The following LAPTM4B variants were observed in gnomAD, a reference collection of about 807,000 sequenced individuals.
LAPTM4B encodes lysosomal protein transmembrane 4 beta.
A neutral mutation model predicts 28.5 loss-of-function variants in LAPTM4B; 26 were observed. That is an observed-to-expected ratio of 0.91 (90% confidence interval 0.67 to 1.27). The LOEUF is 1.27. LAPTM4B is among the 50% of genes most tolerant of loss of function. The pLI is 0.00. For missense variants in LAPTM4B, 288 were observed against 285.8 expected, an observed-to-expected ratio of 1.01 and a Z score of -0.06; for synonymous variants, 109 against 106.4, an observed-to-expected ratio of 1.02 and a Z score of -0.15.
At chr8:97,790,774 C>G (rs1244546449) in intron 1 of LAPTM4B, among the ~76,000 whole-genome samples, 1 of 151,438 alleles carries the variant, frequency 6.6e-6, no homozygotes, top group East Asian at 2.0e-4. Context: ...AAGTCTGGCT[C>G]TATTGCCCAG....
At chr8:97,815,176 T>G in intron 2 of LAPTM4B, 152 bp from the exon 3 acceptor site, 1 of 628,090 alleles carries the variant, frequency 1.6e-6, no homozygotes, top group East Asian at 2.8e-5. Flanking sequence ...CCAATATCCC[T>G]TTTTCTATTT....
chr8:97,799,799 AT>A (rs1816643574), intron 1 of LAPTM4B, among the ~76,000 whole-genome samples: 1 of 151,958 alleles, frequency 6.6e-6, no homozygotes, highest in Non-Finnish European at 1.5e-5. Flanking sequence ...CCCATCCTAC[AT>A]TTTTGGTTCT....
Position 97,851,664 on chromosome 8 carries a change from T to C in LAPTM4B, c.*190T>C. The C allele has an allele frequency of 1.7e-6, 1 of 601,848 alleles. No individual in the cohort carries two copies. Among genetic ancestry groups the C allele is most frequent in the Non-Finnish European group, 3.0e-6 (1 of 338,024 alleles). The allele number at this position is 601,848 out of a possible 1,614,324, so 37.3% of individuals were successfully genotyped here. ...TGCTTTGCTGGAACACTGTGATAGA[T>C]TAACTGTAGAATTCTTCCTGTACGA... On this transcript the variant is annotated 3_prime_UTR_variant, in exon 7 of 7. Transcript: ENST00000521545.
chr8:97,846,516 G>C (rs1377962014), intron 6 of LAPTM4B, among the ~76,000 whole-genome samples: 1 of 152,120 alleles, frequency 6.6e-6, no homozygotes, highest in African/African-American at 2.4e-5. Context: ...TAGTAGAAAC[G>C]GGGTTTCTCC....
intron 1 of LAPTM4B, among the ~76,000 whole-genome samples, chr8:97,792,169 G>C (rs960847006): frequency 6.6e-6 from 1 of 152,126 alleles, no homozygotes; most frequent in Non-Finnish European, 1.5e-5. Context: ...CAACATGGCC[G>C]CCATTATAGT....
At chr8:97,789,419 G>A (rs1481890084) in intron 1 of LAPTM4B, among the ~76,000 whole-genome samples, 1 of 151,840 alleles carries the variant, frequency 6.6e-6, no homozygotes, top group African/African-American at 2.4e-5. Context: ...GGAGCGCAGT[G>A]GTGTGACCAT....
intron 1 of LAPTM4B, among the ~76,000 whole-genome samples, chr8:97,782,279 C>CATT (rs1816333326): frequency 2.0e-5 from 1 of 50,238 alleles, no homozygotes; most frequent in Non-Finnish European, 3.6e-5. Flanking sequence ...CCATGCCCAG[C>CATT]TTTTTTTTTT....
Position 97,816,061 on chromosome 8 carries a change from C to CGCG in LAPTM4B, c.290_292dup (p.Arg97_Ala98insGly). ...TTCTATTTTCTGTTCTGTTTAGCAA[C>CGCG]GCGCAGCCTGGATCATCCCATTCTT... On this transcript the variant is annotated inframe_insertion, in exon 4 of 7. Transcript: ENST00000521545. 1 of 1,607,846 alleles carries CGCG rather than the reference C, an allele frequency of 6.2e-7. No homozygotes were observed. Among genetic ancestry groups the CGCG allele is most frequent in the Non-Finnish European group, 8.5e-7 (1 of 1,178,294 alleles).
At chr8:97,826,568 G>A (rs1216551992) in intron 6 of LAPTM4B, among the ~76,000 whole-genome samples, 1 of 125,998 alleles carries the variant, frequency 7.9e-6, no homozygotes, top group Non-Finnish European at 1.7e-5. Context: ...GAATGAAGTG[G>A]TGTGATCTCG....
chr8:97,821,640 G>T (rs570414001), intron 5 of LAPTM4B, among the ~76,000 whole-genome samples: 2 of 151,924 alleles, frequency 1.3e-5, no homozygotes, highest in African/African-American at 4.9e-5. Flanking sequence ...TGAGATAAGG[G>T]AGAACAGGTT....
chr8:97,786,748 G>A (rs1586319777), intron 1 of LAPTM4B, among the ~76,000 whole-genome samples: 1 of 151,526 alleles, frequency 6.6e-6, no homozygotes, highest in East Asian at 1.9e-4. Context: ...AAATTACACA[G>A]CCAGTTGGTT....
Position 97,849,942 on chromosome 8 carries a change from C to T in LAPTM4B, c.604-1455C>T, listed in dbSNP as rs937488690. ...CTCTCAGGCGGTTTCCAGAGCGGGCCGTGGCTCCCGGGAACGGCTTCCCGC... is the reference window on the plus strand; with the variant it reads ...CTCTCAGGCGGTTTCCAGAGCGGGCTGTGGCTCCCGGGAACGGCTTCCCGC... On this transcript the variant is annotated intron_variant, in intron 6 of 6. Transcript: ENST00000521545. Among the ~76,000 whole-genome samples, 5 of 150,222 alleles carry T rather than the reference C, an allele frequency of 3.3e-5. 1 individual carries two copies. Among genetic ancestry groups the T allele is most frequent in the African/African-American group, 1.0e-4 (4 of 39,618 alleles).
In LAPTM4B at chr8:97,852,028, A is replaced by G. The variant is rs1253125593; in HGVS notation, c.*554A>G. ...AATGACAGTTTGTGTTTGGTGGTAA[A>G]GGATTTTCTCCATGGCCTGAATTAA... On this transcript the variant is annotated 3_prime_UTR_variant, in exon 7 of 7. Coordinates refer to ENST00000521545, the MANE Select transcript of LAPTM4B (RefSeq NM_018407.6). 6.5e-6 allele frequency: 1 copy of G among 154,662 alleles called. No individual in the cohort carries two copies. Among genetic ancestry groups the G allele is most frequent in the African/African-American group, 2.4e-5 (1 of 41,452 alleles). 9.6% of individuals were successfully genotyped at this position (154,662 alleles called of 1,614,324 possible).
At chr8:97,847,096 A>G (rs1280444160) in intron 6 of LAPTM4B, among the ~76,000 whole-genome samples, 1 of 152,210 alleles carries the variant, frequency 6.6e-6, no homozygotes, top group Non-Finnish European at 1.5e-5. Flanking sequence ...TAGCATGACA[A>G]CTTCAATAGA....
At chr8:97,831,211 T>G (rs531558042) in intron 6 of LAPTM4B, among the ~76,000 whole-genome samples, 2 of 152,310 alleles carry the variant, frequency 1.3e-5, no homozygotes, top group South Asian at 4.1e-4. Flanking sequence ...AAGGCTGGAC[T>G]GTTACCAGAT....
chr8:97,838,442 G>A (rs994484554), intron 6 of LAPTM4B, among the ~76,000 whole-genome samples: 2 of 152,194 alleles, frequency 1.3e-5, no homozygotes, highest in Admixed American at 6.5e-5. Context: ...GCCTTGTGCC[G>A]AGTGCTTTAC....
At position 97,851,483 on chromosome 8, in the gene LAPTM4B, G is replaced by T. The variant is rs1357123431; in HGVS notation, c.*9G>T. The T allele has an allele frequency of 6.2e-7, 1 of 1,610,260 alleles. No individual in the cohort carries two copies. The highest frequency in any genetic ancestry group is 8.5e-7 in the Non-Finnish European group (1 of 1,176,584). On this transcript the variant is annotated 3_prime_UTR_variant, in exon 7 of 7. Transcript: ENST00000521545. Reference sequence around the variant, plus strand: ...CTTACGTGTCTGCCTAAGCCTTCAAGTGGGCGGAGCTGAGGGCAGCAGCTT... The same window carrying T: ...CTTACGTGTCTGCCTAAGCCTTCAATTGGGCGGAGCTGAGGGCAGCAGCTT...
rs745372543 is a variant in LAPTM4B at position 97,815,409 on chromosome 8, G to A, written c.285+8G>A. 1.4e-5 allele frequency: 22 copies of A among 1,528,118 alleles called. No individual in the cohort carries two copies. The highest frequency in any genetic ancestry group is 6.7e-5 in the East Asian group (3 of 44,804). 94.7% of individuals were successfully genotyped at this position (1,528,118 alleles called of 1,614,324 possible). On this transcript the variant is annotated splice_region_variant and intron_variant, in intron 3 of 6. Coordinates refer to ENST00000521545, the MANE Select transcript of LAPTM4B (RefSeq NM_018407.6). ...ACTTACGGAGCGTACAAGGTAAGCC[G>A]CTTGCAGTAAGATGCTGGCCTTTTC...
rs1281346553 is a variant in LAPTM4B, at chr8:97,775,938, G to A, written c.-72G>A. On this transcript the variant is annotated 5_prime_UTR_variant, in exon 1 of 7. Transcript: ENST00000521545. ...GCGGAGGAGCCGGCAGCAGCGGCGC[G>A]GCGGGCTCCAGGCGAGGCGGTCGAC... 6.9e-7 allele frequency: 1 copy of A among 1,441,382 alleles called. No individual in the cohort carries two copies. The highest frequency in any genetic ancestry group is 2.8e-5 in the Admixed American group (1 of 35,672). 89.3% of individuals were successfully genotyped at this position (1,441,382 alleles called of 1,614,324 possible).
Sources: gnomAD v4.1 joint callset for allele counts (sites outside exome capture counted in the v4.1 genomes callset) on GRCh38, gnomAD v4.1.1 for gene constraint, MANE v1.5 for transcripts, NCBI Gene and HGNC (gene_info 2026-07-23, HGNC 2026-07-21) for gene names.